The following MIDEAS variants were observed in gnomAD, a reference collection of about 807,000 sequenced individuals.
The protein encoded by MIDEAS is mitotic deacetylase-associated SANT domain protein.
MIDEAS carries 26 observed loss-of-function variants against 102.7 expected under a neutral mutation model. The ratio of observed to expected loss-of-function variants is 0.25; its 90% CI spans 0.19 to 0.35. MIDEAS has a LOEUF of 0.35. Among genes scored for constraint, MIDEAS ranks in the 10% least tolerant of loss-of-function variants. The probability of loss-of-function intolerance (pLI) is 1.00; values close to 1 mark genes in which losing one functional copy is unlikely to be tolerated. For missense variants in MIDEAS, 1,231 were observed against 1,435.6 expected (o/e 0.86, Z 2.30); for synonymous variants, 585 against 591.0 (o/e 0.99, Z 0.15).
At chr14:73,777,955 T>C (rs905588924) in intron 1 of MIDEAS, among the ~76,000 whole-genome samples, 14 of 151,974 alleles carry the variant, frequency 9.2e-5, no homozygotes, top group African/African-American at 3.1e-4. Context: ...GAAGCTTCTT[T>C]ATCTTTGTAT....
chr14:73,737,259 C>T lies in MIDEAS; in HGVS notation c.1488G>A (p.Leu496=). The T allele has an allele frequency of 1.9e-6, 3 of 1,613,230 alleles. No individual in the cohort carries two copies. Among genetic ancestry groups the T allele is most frequent in the Non-Finnish European group, 8.5e-7 (1 of 1,179,290 alleles). Residue 496 remains leucine, a synonymous_variant, in exon 3 of 13, where the codon TTG becomes TTA. Transcript: ENST00000423556. ...SGSEEKRKSV[L]ASTTKCGVEF... ...CCACCCCACACTTGGTAGTTGAGGC[C>T]AATACACTTTTCCGCTTCTCTTCAG... is the stretch of plus-strand genomic sequence containing the variant.
chr14:73,765,759 A>G (rs942708513), intron 1 of MIDEAS, among the ~76,000 whole-genome samples: 12 of 151,972 alleles, frequency 7.9e-5, no homozygotes, highest in Non-Finnish European at 1.6e-4. Flanking sequence ...TCCCACACCC[A>G]GATCTCCCAC....
intron 9 of MIDEAS, chr14:73,724,125 C>A (rs536274945): frequency 6.6e-6 from 1 of 152,336 alleles, no homozygotes; most frequent in African/African-American, 2.4e-5. Context: ...ACCTGCCTCT[C>A]AAGCTCTGAA....
chr14:73,727,101 T>G (rs1372200380), intron 5 of MIDEAS, 129 bp from the exon 6 acceptor site: 1 of 1,220,808 alleles, frequency 8.2e-7, no homozygotes, highest in East Asian at 2.5e-5. Flanking sequence ...GTAGGGAGTC[T>G]GGCTTCTAGG....
At position 73,737,822 on chromosome 14, in the gene MIDEAS, C is replaced by G. The variant is rs897693260; in HGVS notation, c.1450-525G>C. 2.0e-5 allele frequency among the ~76,000 whole-genome samples: 3 copies of G among 148,224 alleles called. No homozygotes were observed. In the East Asian group the frequency reaches 6.1e-4, roughly 30 times the overall value. ...GGAGACAGGGGGTCTCACTCTGTCA[C>G]CCAGGTTGTAGTGCAGTGGCACAAT... On this transcript the variant is annotated intron_variant, in intron 2 of 12. Coordinates refer to ENST00000423556, the MANE Select transcript of MIDEAS (RefSeq NM_001367710.1).
chr14:73,786,072 T>C (rs1405992573), intron 1 of MIDEAS, among the ~76,000 whole-genome samples: 1 of 152,224 alleles, frequency 6.6e-6, no homozygotes, highest in Non-Finnish European at 1.5e-5. Flanking sequence ...AGGAAGCTGC[T>C]GCTAGGAACT....
chr14:73,739,054 G>T lies in MIDEAS; in HGVS notation c.955C>A (p.Pro319Thr). The change falls in exon 2 of 13, where the codon CCA becomes ACA. Residue 319 changes from proline (P) to threonine (T), a missense_variant. Coordinates refer to ENST00000423556, the MANE Select transcript of MIDEAS (RefSeq NM_001367710.1). ...TGCAGAAGGGCCTTGCGCAGTTCTG[G>T]GTTCATATCTGGGTTGGGGGGGAAG... ...YPFPPNPDMN[P>T]ELRKALLQDS... The T allele has an allele frequency of 1.3e-6, 2 of 1,566,278 alleles. No individual in the cohort carries two copies. The highest frequency in any genetic ancestry group is 1.7e-6 in the Non-Finnish European group (2 of 1,153,202).
At position 73,725,455 on chromosome 14, in the gene MIDEAS, C is replaced by A; in HGVS notation, c.2486-95G>T. ...AGCAAAAAAGTGTGAGGCCATCCGC[C>A]CATGGTTTCTGCAGGCATCAGAGCC... On this transcript the variant is annotated intron_variant, in intron 8 of 12. Coordinates refer to ENST00000423556, the MANE Select transcript of MIDEAS (RefSeq NM_001367710.1). The surrounding 1 kb of genome is among the most constrained non-coding windows in gnomAD (Gnocchi z 4.1). The A allele has an allele frequency of 9.9e-7, 1 of 1,006,332 alleles. No homozygotes were observed. The highest frequency in any genetic ancestry group is 1.6e-6 in the Non-Finnish European group (1 of 635,282). The allele number at this position is 1,006,332 out of a possible 1,614,324, so 62.3% of individuals were successfully genotyped here. A position where few individuals can be genotyped will look rare whatever the true frequency, so the allele number is the denominator to read the frequency against.
chr14:73,741,076 A>T (rs2053275620), intron 1 of MIDEAS, among the ~76,000 whole-genome samples: 2 of 152,254 alleles, frequency 1.3e-5, no homozygotes, highest in Non-Finnish European at 2.9e-5. Context: ...AGAGCTGGTC[A>T]GCAGCTGACC....
intron 3 of MIDEAS, among the ~76,000 whole-genome samples, chr14:73,735,239 A>G (rs2053187062): frequency 6.6e-6 from 1 of 152,258 alleles, no homozygotes; most frequent in African/African-American, 2.4e-5. Flanking sequence ...AAAATAGCTA[A>G]AAGAGCAGAT....
rs1455181613 is a variant in MIDEAS, at chr14:73,718,794, G to A, written c.*49C>T. ...CAGGGTGTCTGCGGGCGCTGGCGGC[G>A]GTGCGGGAAGGGCCGAGGCCCAGGA... On this transcript the variant is annotated 3_prime_UTR_variant, in exon 13 of 13. Transcript: ENST00000423556. The A allele has an allele frequency of 2.4e-5, 32 of 1,342,856 alleles. No individual in the cohort carries two copies. Among genetic ancestry groups the A allele is most frequent in the Non-Finnish European group, 2.9e-5 (31 of 1,051,692 alleles). The allele number at this position is 1,342,856 out of a possible 1,614,324, so 83.2% of individuals were successfully genotyped here. A position where few individuals can be genotyped will look rare whatever the true frequency, so the allele number is the denominator to read the frequency against.
At chr14:73,781,567 T>G (rs1048417513) in intron 1 of MIDEAS, among the ~76,000 whole-genome samples, 3 of 151,682 alleles carry the variant, frequency 2.0e-5, no homozygotes, top group Non-Finnish European at 4.4e-5. Context: ...AAACCCTGTC[T>G]CTACTAAAAA....
intron 1 of MIDEAS, among the ~76,000 whole-genome samples, chr14:73,770,237 T>C (rs1340202296): frequency 6.6e-6 from 1 of 152,182 alleles, no homozygotes; most frequent in African/African-American, 2.4e-5. Flanking sequence ...ACTTATAAGC[T>C]GTGTTAAAAC....
chr14:73,731,112 TG>T (rs1244344203), intron 3 of MIDEAS, among the ~76,000 whole-genome samples: 2 of 152,222 alleles, frequency 1.3e-5, no homozygotes, highest in African/African-American at 4.8e-5. Context: ...GTACGCCTCA[TG>T]GGCCTCTATC....
chr14:73,748,780 A>G (rs2053385326), intron 1 of MIDEAS, among the ~76,000 whole-genome samples: 1 of 152,172 alleles, frequency 6.6e-6, no homozygotes, highest in African/African-American at 2.4e-5. Flanking sequence ...AAAAAAAAAA[A>G]AAAAAAATCA....
chr14:73,735,445 C>T (rs764023211), intron 3 of MIDEAS, among the ~76,000 whole-genome samples: 1 of 152,130 alleles, frequency 6.6e-6, no homozygotes, highest in Non-Finnish European at 1.5e-5. Flanking sequence ...TCAAGTGATC[C>T]ACCTGCCTTG....
chr14:73,719,167 GC>G (rs2052944915), intron 12 of MIDEAS, 137 bp downstream of exon 12: 3 of 1,483,438 alleles, frequency 2.0e-6, no homozygotes, highest in Admixed American at 4.4e-5. Flanking sequence ...TGACGTCACA[GC>G]CCTAGAAACC....
chr14:73,775,986 C>A (rs971041581), intron 1 of MIDEAS, among the ~76,000 whole-genome samples: 21 of 151,956 alleles, frequency 1.4e-4, no homozygotes, highest in Admixed American at 1.4e-3. Flanking sequence ...ATCACCTGGG[C>A]AGCTTAGACA....
At chr14:73,777,805 G>A (rs911280860) in intron 1 of MIDEAS, among the ~76,000 whole-genome samples, 1 of 151,988 alleles carries the variant, frequency 6.6e-6, no homozygotes, top group Non-Finnish European at 1.5e-5. Flanking sequence ...CCTGGCCGTG[G>A]TAGAAGTGGC....
Sources: gnomAD v4.1 joint callset for allele counts (sites outside exome capture counted in the v4.1 genomes callset) on GRCh38, gnomAD v4.1.1 for gene constraint, Gnocchi (gnomAD v3.1) non-coding constraint, MANE v1.5 for transcripts, NCBI Gene and HGNC (gene_info 2026-07-23, HGNC 2026-07-21) for gene names.